The following CLSTN2 variants were observed in gnomAD, a reference collection of about 807,000 sequenced individuals.
CLSTN2 encodes calsyntenin-2.
CLSTN2 carries 48 observed loss-of-function variants against 101.2 expected under a neutral mutation model. The ratio of observed to expected loss-of-function variants is 0.47; its 90% CI spans 0.38 to 0.60. The LOEUF (loss-of-function observed/expected upper bound fraction) is 0.60. Ranked by LOEUF, CLSTN2 falls within the 20% of genes least tolerant of loss-of-function variation. The pLI is 0.00. For synonymous variants in CLSTN2, 481 were observed against 463.6 expected (o/e 1.04, Z -0.48); for missense variants, 1,160 against 1,238.2 (o/e 0.94, Z 0.95).
chr3:140,208,661 C>T (rs187828331), intron 2 of CLSTN2, among the ~76,000 whole-genome samples: 169 of 152,312 alleles, frequency 1.1e-3, no homozygotes, highest in African/African-American at 3.8e-3. Flanking sequence ...AGCACCTGTG[C>T]ACCACCAATG....
At position 140,443,593 on chromosome 3, in the gene CLSTN2, G is replaced by C. The variant is rs1933006827; in HGVS notation, c.788-4926G>C. Among the ~76,000 whole-genome samples, 3 of 152,206 alleles carry C rather than the reference G, an allele frequency of 2.0e-5. No individual in the cohort carries two copies. In the South Asian group the frequency reaches 6.2e-4, roughly 32 times the overall value. ...AATTATTAAAACAGCAGGCAGGGCAGGCTGCTCCCTTTCTCTTCACTTAAG... is the reference window on the plus strand; with the variant it reads ...AATTATTAAAACAGCAGGCAGGGCACGCTGCTCCCTTTCTCTTCACTTAAG... On this transcript the variant is annotated intron_variant, in intron 5 of 16. Transcript: ENST00000458420.
intron 8 of CLSTN2, among the ~76,000 whole-genome samples, chr3:140,492,883 G>T (rs1934379903): frequency 6.6e-6 from 1 of 152,082 alleles, no homozygotes; most frequent in Non-Finnish European, 1.5e-5. Context: ...CAGACAAACT[G>T]CCCCCGCAGG....
intron 2 of CLSTN2, among the ~76,000 whole-genome samples, chr3:140,302,752 T>G (rs16850127): frequency 6.6e-6 from 1 of 151,944 alleles, no homozygotes. Flanking sequence ...GTGAGGCAAG[T>G]GTATAGAACA....
Position 140,042,665 on chromosome 3 carries a change from C to A in CLSTN2, c.109+107182C>A, listed in dbSNP as rs1302860510. Reference sequence around the variant, plus strand: ...ATTAGGTATATCTCCTAATGCTATCCCTCCCTCCTCCCGCTACACCATGAC... The same window carrying A: ...ATTAGGTATATCTCCTAATGCTATCACTCCCTCCTCCCGCTACACCATGAC... On this transcript the variant is annotated intron_variant, in intron 1 of 16. Transcript: ENST00000458420. 6.6e-5 allele frequency among the ~76,000 whole-genome samples: 10 copies of A among 152,168 alleles called. No individual in the cohort carries two copies. The East Asian group carries it at 1.9e-3, about 29-fold the overall frequency.
intron 4 of CLSTN2, among the ~76,000 whole-genome samples, chr3:140,416,988 G>C (rs745751409): frequency 6.6e-6 from 1 of 152,216 alleles, no homozygotes; most frequent in Non-Finnish European, 1.5e-5. Flanking sequence ...GAATGGAAAA[G>C]TGTTATATGC....
intron 2 of CLSTN2, among the ~76,000 whole-genome samples, chr3:140,331,753 A>T (rs1331960733): frequency 6.6e-6 from 1 of 151,990 alleles, no homozygotes; most frequent in African/African-American, 2.4e-5. Context: ...CCCCTGTGAC[A>T]TTTTCATTTT....
chr3:140,274,276 C>T (rs2086773599), intron 2 of CLSTN2, among the ~76,000 whole-genome samples: 1 of 152,102 alleles, frequency 6.6e-6, no homozygotes, highest in Non-Finnish European at 1.5e-5. Flanking sequence ...AGAGCTCTGG[C>T]ATTGCTTATC....
intron 2 of CLSTN2, among the ~76,000 whole-genome samples, chr3:140,284,033 A>G (rs559353467): frequency 6.6e-6 from 1 of 152,334 alleles, no homozygotes; most frequent in East Asian, 1.9e-4. Context: ...CACCTTGAGC[A>G]GCTAGTATGT....
chr3:140,404,465 C>T (rs1388691492), intron 3 of CLSTN2, 93 bp from the exon 4 acceptor site: 2 of 1,125,848 alleles, frequency 1.8e-6, no homozygotes, highest in East Asian at 2.5e-5. Flanking sequence ...TTTCACTTGG[C>T]CTTGGGACCT....
chr3:140,109,821 A>T (rs2009123401), intron 1 of CLSTN2, among the ~76,000 whole-genome samples: 1 of 152,142 alleles, frequency 6.6e-6, no homozygotes, highest in South Asian at 2.1e-4. Flanking sequence ...TCTAGTCAGG[A>T]GGCCATGCTT....
chr3:140,463,450 A>C (rs900228866), intron 7 of CLSTN2, among the ~76,000 whole-genome samples: 1 of 152,068 alleles, frequency 6.6e-6, no homozygotes, highest in Non-Finnish European at 1.5e-5. Context: ...GGGTATTTTC[A>C]CACTTACAGA....
At chr3:140,379,002 A>G (rs1257669191) in intron 2 of CLSTN2, among the ~76,000 whole-genome samples, 1 of 152,172 alleles carries the variant, frequency 6.6e-6, no homozygotes. Flanking sequence ...TTGAGATCTG[A>G]AGTCTTTATC....
intron 1 of CLSTN2, among the ~76,000 whole-genome samples, chr3:140,119,526 T>A (rs2009304264): frequency 6.6e-6 from 1 of 152,172 alleles, no homozygotes; most frequent in South Asian, 2.1e-4. Context: ...TTGTTTTGTT[T>A]TGTTTTAAGA....
rs754369642 is a variant in CLSTN2 at position 140,568,126 on chromosome 3, A to G, written c.*1873A>G. 1 of 152,222 alleles carries G rather than the reference A, an allele frequency of 6.6e-6. No homozygotes were observed. The highest frequency in any genetic ancestry group is 1.9e-4 in the East Asian group (1 of 5,198). The allele number at this position is 152,222 out of a possible 1,614,324, so 9.4% of individuals were successfully genotyped here. Reference sequence around the variant, plus strand: ...AGTATAGACAAGACCAGTCTCCCCAACTTCCACTCCTGGTGCAGGATTCTA... The same window carrying G: ...AGTATAGACAAGACCAGTCTCCCCAGCTTCCACTCCTGGTGCAGGATTCTA... On this transcript the variant is annotated 3_prime_UTR_variant, in exon 17 of 17. Coordinates refer to ENST00000458420, the MANE Select transcript of CLSTN2 (RefSeq NM_022131.3).
intron 8 of CLSTN2, among the ~76,000 whole-genome samples, chr3:140,481,100 A>G (rs935663424): frequency 6.6e-5 from 10 of 152,208 alleles, no homozygotes; most frequent in South Asian, 2.1e-4. Flanking sequence ...TAAGTCTTCA[A>G]TCCATCTTGA....
intron 1 of CLSTN2, among the ~76,000 whole-genome samples, chr3:140,167,154 A>G (rs538313687): frequency 6.6e-6 from 1 of 152,368 alleles, no homozygotes; most frequent in Admixed American, 6.5e-5. Flanking sequence ...TAATTTCTGT[A>G]CATGCCAAAA....
intron 2 of CLSTN2, among the ~76,000 whole-genome samples, chr3:140,248,658 G>T (rs1361822925): frequency 2.0e-5 from 3 of 152,136 alleles, no homozygotes; most frequent in African/African-American, 7.2e-5. Context: ...GTGGAGGCCT[G>T]GTAACAACAA....
intron 2 of CLSTN2, among the ~76,000 whole-genome samples, chr3:140,224,286 T>C (rs530009470): frequency 6.6e-6 from 1 of 152,318 alleles, no homozygotes; most frequent in South Asian, 2.1e-4. Flanking sequence ...ACAGTAACGA[T>C]AGAACTCAGT....
chr3:140,574,176 C>A lies in CLSTN2; in HGVS notation c.*7923C>A, dbSNP rs1985659655. 6.6e-6 allele frequency: 1 copy of A among 152,064 alleles called. No individual in the cohort carries two copies. The highest frequency in any genetic ancestry group is 2.1e-4 in the South Asian group (1 of 4,830). The allele number at this position is 152,064 out of a possible 1,614,324, so 9.4% of individuals were successfully genotyped here. A position where few individuals can be genotyped will look rare whatever the true frequency, so the allele number is the denominator to read the frequency against. ...AGGGACTGGGTTTGAAGAATTAAGACCCCCCAGTGGAGAAAGCCTCCTCCA... is the reference window on the plus strand; with the variant it reads ...AGGGACTGGGTTTGAAGAATTAAGAACCCCCAGTGGAGAAAGCCTCCTCCA... On this transcript the variant is annotated 3_prime_UTR_variant, in exon 17 of 17. Transcript: ENST00000458420.
Sources: gnomAD v4.1 joint callset for allele counts (sites outside exome capture counted in the v4.1 genomes callset) on GRCh38, gnomAD v4.1.1 for gene constraint, MANE v1.5 for transcripts, NCBI Gene and HGNC (gene_info 2026-07-23, HGNC 2026-07-21) for gene names.